Variants in DIS3 observed in about 807,000 individuals in gnomAD.
DIS3 encodes DIS3 exosome endoribonuclease and 3'-5' exoribonuclease.
DIS3 carries 103 observed loss-of-function variants against 113.0 expected under a neutral mutation model. That is an observed-to-expected ratio of 0.91 (90% CI 0.78 to 1.07). The LOEUF (loss-of-function observed/expected upper bound fraction) is 1.07, where lower values mean the gene tolerates loss of function less well. Among genes scored for constraint, DIS3 ranks in the 50% least tolerant of loss-of-function variants. The pLI, the probability that DIS3 is intolerant of heterozygous loss-of-function variation, is 0.00. For synonymous variants in DIS3, 402 were observed against 394.3 expected, an observed-to-expected ratio of 1.02 and a Z score of -0.23; for missense variants, 1,121 against 1,167.1, an observed-to-expected ratio of 0.96 and a Z score of 0.58.
chr13:72,760,415 T>G (rs1333962434), intron 20 of DIS3, 114 bp downstream of exon 20: 2 of 1,327,286 alleles, frequency 1.5e-6, no homozygotes, highest in Non-Finnish European at 2.1e-6. Context: ...ATTTGGTTTC[T>G]ACACTACTTA....
intron 2 of DIS3, 62 bp from the exon 3 acceptor site, chr13:72,778,442 CTT>C (rs2034074093): frequency 2.3e-5 from 31 of 1,377,532 alleles, no homozygotes; most frequent in Non-Finnish European, 2.8e-5. Context: ...TGTGAAAACT[CTT>C]AGCACATAAA....
At chr13:72,781,387 A>G (rs1349336429) in intron 1 of DIS3, 1 of 1,546,616 alleles carries the variant, frequency 6.5e-7, no homozygotes, top group Non-Finnish European at 8.7e-7. Flanking sequence ...GGAGTTAGAA[A>G]AATAACGTGT....
At position 72,756,192 on chromosome 13, in the gene DIS3, ATCAATGTG is replaced by A. The variant is rs750949429; in HGVS notation, c.*3595_*3602del. 5.8e-4 allele frequency: 27 copies of A among 46,470 alleles called. No individual in the cohort carries two copies. The highest frequency in any genetic ancestry group is 8.6e-4 in the Non-Finnish European group (25 of 28,950). The allele number at this position is 46,470 out of a possible 1,614,324, so 2.9% of individuals were successfully genotyped here. ...TCAAAAGGGAATAAAGACCTGTGTT[ATCAATGTG>A]TCATTTTCTTCTTTCCTCCATAACT... On this transcript the variant is annotated 3_prime_UTR_variant, in exon 21 of 21. Coordinates refer to ENST00000377767, the MANE Select transcript of DIS3 (RefSeq NM_014953.5).
At chr13:72,762,986 C>T (rs771811889) in intron 16 of DIS3, among the ~76,000 whole-genome samples, 6 of 152,046 alleles carry the variant, frequency 3.9e-5, no homozygotes, top group Admixed American at 3.3e-4. Flanking sequence ...CCAGCTTTAG[C>T]ATAGGGTGCT....
chr13:72,781,746 G>A lies in DIS3; in HGVS notation c.87C>T (p.Ile29=). 1.3e-6 allele frequency: 2 copies of A among 1,596,784 alleles called. No homozygotes were observed. Among genetic ancestry groups the A allele is most frequent in the South Asian group, 2.3e-5 (2 of 88,614 alleles). ...CTGCGCACCCGGGCGCACCGCAGCC[G>A]ATGTCGTCTCGCAGGTAGTGCTCGC... ...IVREHYLRDD[I]GCGAPGCAAC... Residue 29 remains isoleucine, a synonymous_variant, in exon 1 of 21, where the codon ATC becomes ATT. Transcript: ENST00000377767.
Position 72,774,023 on chromosome 13 carries a change from T to C in DIS3, c.1024A>G (p.Thr342Ala), listed in dbSNP as rs377706408. ...TAVSEKMLKP[T>A]GRVVGIIKRN... ...TTTATTATTCCTACAACTCTACCTG[T>C]AGGCTTCAACATTTTCTCGCTTACA... Residue 342 changes from threonine (T) to alanine (A), a missense_variant, in exon 7 of 21, where the codon ACA becomes GCA. Thr to Ala is a moderately conservative substitution (Grantham distance 58). This residue lies in a region of DIS3 where 861 missense variants were observed against 915.5 expected (regional missense o/e 0.94). Coordinates refer to ENST00000377767, the MANE Select transcript of DIS3 (RefSeq NM_014953.5). The C allele has an allele frequency of 4.3e-6, 7 of 1,609,882 alleles. No homozygotes were observed. The highest frequency in any genetic ancestry group is 5.1e-6 in the Non-Finnish European group (6 of 1,179,074).
chr13:72,769,339 T>C (rs2033831179), intron 13 of DIS3, among the ~76,000 whole-genome samples: 1 of 152,124 alleles, frequency 6.6e-6, no homozygotes, highest in African/African-American at 2.4e-5. Context: ...ACACCATGTT[T>C]TGCAGGAAAT....
Position 72,780,895 on chromosome 13 carries a change from T to A in DIS3, c.337A>T (p.Thr113Ser), listed in dbSNP as rs749218948. ...TAGAAATGCTTCTCTTGGTTATTAG[T>A]CACATCTCGGATGCGTTTATATACG... The part of the protein sequence containing the change: ...APVYKRIRDV[T>S]NNQEKHFYTF... The change falls in exon 2 of 21, where the codon ACT becomes TCT. Residue 113 changes from threonine to serine, a missense_variant. Thr to Ser is a moderately conservative substitution (Grantham distance 58). This residue lies in a region of DIS3 where 254 missense variants were observed against 232.2 expected (regional missense o/e 1.09). Transcript: ENST00000377767. 6.2e-7 allele frequency: 1 copy of A among 1,612,876 alleles called. No individual in the cohort carries two copies. Among genetic ancestry groups the A allele is most frequent in the East Asian group, 2.2e-5 (1 of 44,854 alleles).
In DIS3 at chr13:72,781,798, C is replaced by T; in HGVS notation, c.35G>A (p.Arg12Gln). 2 of 1,604,234 alleles carry T rather than the reference C, an allele frequency of 1.2e-6. No homozygotes were observed. Among genetic ancestry groups the T allele is most frequent in the East Asian group, 2.3e-5 (1 of 44,408 alleles). ...LKSKTFLKKT[R>Q]AGGVMKIVRE... Reference sequence around the variant, plus strand: ...CACGATCTTCATCACGCCGCCCGCCCGGGTCTTTTTTAAGAACGTCTTGGA... The same window carrying T: ...CACGATCTTCATCACGCCGCCCGCCTGGGTCTTTTTTAAGAACGTCTTGGA... The change falls in exon 1 of 21, where the codon CGG (arginine) becomes CAG (glutamine). Residue 12 changes from arginine to glutamine, a missense_variant. Physicochemically the swap from Arg to Gln is conservative, Grantham distance 43. Around this residue, in one of 3 missense-constraint regions of DIS3, gnomAD observed 254 missense variants for 232.2 expected, o/e 1.09. Coordinates refer to ENST00000377767, the MANE Select transcript of DIS3 (RefSeq NM_014953.5).
chr13:72,777,561 C>A (rs752751726), intron 3 of DIS3, 68 bp from the exon 4 acceptor site: 233 of 1,331,314 alleles, frequency 1.8e-4, no homozygotes, highest in Non-Finnish European at 2.4e-4. Flanking sequence ...AATGGATAGT[C>A]TTGTTTGCGA....
intron 15 of DIS3, among the ~76,000 whole-genome samples, chr13:72,765,199 G>A (rs1340819177): frequency 6.6e-6 from 1 of 152,040 alleles, no homozygotes; most frequent in Non-Finnish European, 1.5e-5. Context: ...CACCCTCACA[G>A]CACCCTATGA....
At chr13:72,766,097 G>C in intron 14 of DIS3, 39 bp from the exon 15 acceptor site, 1 of 1,501,434 alleles carries the variant, frequency 6.7e-7, no homozygotes, top group Non-Finnish European at 9.1e-7. Context: ...AGTCAAGCAA[G>C]CCAATAAAAG....
intron 2 of DIS3, among the ~76,000 whole-genome samples, chr13:72,780,577 C>CT (rs1273658277): frequency 2.0e-5 from 3 of 152,036 alleles, no homozygotes; most frequent in East Asian, 3.9e-4. Context: ...ATGCTAAAAC[C>CT]AATTCAAAAT....
intron 16 of DIS3, 111 bp from the exon 17 acceptor site, chr13:72,762,248 T>C (rs1363931199): frequency 5.1e-6 from 5 of 971,668 alleles, no homozygotes; most frequent in African/African-American, 4.9e-5. Context: ...TTTTGTTATT[T>C]TCCTTCCCTT....
chr13:72,769,923 A>G (rs868768889), intron 13 of DIS3, among the ~76,000 whole-genome samples: 13 of 152,346 alleles, frequency 8.5e-5, no homozygotes, highest in Middle Eastern at 6.8e-3. Context: ...GTAGGGCAAA[A>G]TAAGAGAGAA....
chr13:72,781,866 G>T lies in DIS3; in HGVS notation c.-34C>A, dbSNP rs781239856. The stretch of plus-strand genomic sequence containing the variant: ...GCCGCGCAGAATCCTAACCCCAGCA[G>T]CGCTCTTCCAGCAAAAGGCGTCAAT... On this transcript the variant is annotated 5_prime_UTR_variant, in exon 1 of 21. The change creates a new upstream start codon in the 5' untranslated region. Transcript: ENST00000377767. 106 of 1,502,486 alleles carry T rather than the reference G, an allele frequency of 7.1e-5. No individual in the cohort carries two copies. Among genetic ancestry groups the T allele is most frequent in the Non-Finnish European group, 9.1e-5 (102 of 1,118,528 alleles). 93.1% of individuals were successfully genotyped at this position (1,502,486 alleles called of 1,614,324 possible).
At position 72,759,432 on chromosome 13, in the gene DIS3, A is replaced by G. The variant is rs1248580252; in HGVS notation, c.*363T>C. ...TTCTATTTTCCTCTGTAGGAAAATGAAAGTTTTTTCTTACAAATATTAAAT... is the reference window on the plus strand; with the variant it reads ...TTCTATTTTCCTCTGTAGGAAAATGGAAGTTTTTTCTTACAAATATTAAAT... On this transcript the variant is annotated 3_prime_UTR_variant, in exon 21 of 21. Coordinates refer to ENST00000377767, the MANE Select transcript of DIS3 (RefSeq NM_014953.5). 8.7e-6 allele frequency: 2 copies of G among 231,186 alleles called. No homozygotes were observed. Among genetic ancestry groups the G allele is most frequent in the Middle Eastern group, 1.3e-3 (1 of 784 alleles). 14.3% of individuals were successfully genotyped at this position (231,186 alleles called of 1,614,324 possible). A position where few individuals can be genotyped will look rare whatever the true frequency, so the allele number is the denominator to read the frequency against.
rs2033877947 is a variant in DIS3, at chr13:72,771,156, T to C, written c.1606-11A>G. 2.5e-6 allele frequency: 4 copies of C among 1,610,350 alleles called. No individual in the cohort carries two copies. The highest frequency in any genetic ancestry group is 1.3e-5 in the African/African-American group (1 of 74,906). On this transcript the variant is annotated splice_polypyrimidine_tract_variant and intron_variant, in intron 11 of 20. Coordinates refer to ENST00000377767, the MANE Select transcript of DIS3 (RefSeq NM_014953.5). ...AACCATGTCAATCCTCTGCAAAAGA[T>C]AAAAATAGAACCACAGATTACTTAG...
At chr13:72,766,658 A>G (rs537997222) in intron 14 of DIS3, among the ~76,000 whole-genome samples, 58 of 152,204 alleles carry the variant, frequency 3.8e-4, no homozygotes, top group Non-Finnish European at 6.9e-4. Context: ...CTTTACACAC[A>G]TGGTTCATTT....
Sources: gnomAD v4.1 joint callset for allele counts (sites outside exome capture counted in the v4.1 genomes callset) on GRCh38, gnomAD v4.1.1 for gene constraint, gnomAD v4.1.1 regional missense constraint, MANE v1.5 for transcripts, NCBI Gene and HGNC (gene_info 2026-07-23, HGNC 2026-07-21) for gene names.